LDAH: variants seen among roughly 807,000 people sequenced by gnomAD.
LDAH encodes lipid droplet associated hydrolase, also known as lipid droplet-associated hydrolase.
Under a neutral mutation model 29.6 loss-of-function variants are expected in LDAH, and 26 were observed. That is an observed-to-expected ratio of 0.88 (90% confidence interval 0.64 to 1.22). The LOEUF is 1.22. Ranked by LOEUF, LDAH falls within the 50% of genes most tolerant of loss-of-function variation. The pLI, the probability that LDAH is intolerant of heterozygous loss-of-function variation, is 0.00. For missense variants in LDAH, 344 were observed against 387.3 expected (o/e 0.89, Z 0.94); for synonymous variants, 117 against 133.0 (o/e 0.88, Z 0.83).
In LDAH at chr2:20,801,308, A is replaced by G; in HGVS notation, c.154+2T>C. 6.2e-7 allele frequency: 1 copy of G among 1,613,196 alleles called. No individual in the cohort carries two copies. The highest frequency in any genetic ancestry group is 8.5e-7 in the Non-Finnish European group (1 of 1,179,754). ...TCTCCTCACCCAGACTTTTACGCTCACCAGGAATAATGAAAATAAGCAGCT... is the reference window on the plus strand; with the variant it reads ...TCTCCTCACCCAGACTTTTACGCTCGCCAGGAATAATGAAAATAAGCAGCT... On this transcript the variant is annotated splice_donor_variant, in intron 2 of 6. Transcript: ENST00000237822. LOFTEE classifies it high-confidence loss of function.
chr2:20,784,665 G>T (rs138759376), intron 3 of LDAH, among the ~76,000 whole-genome samples: 2 of 151,810 alleles, frequency 1.3e-5, no homozygotes, highest in Admixed American at 1.3e-4. Flanking sequence ...CGGGCAGATC[G>T]CTTGAGCCCA....
At chr2:20,819,373 A>G (rs1673084102) in intron 1 of LDAH, among the ~76,000 whole-genome samples, 2 of 152,364 alleles carry the variant, frequency 1.3e-5, no homozygotes, top group Middle Eastern at 6.8e-3. Flanking sequence ...AAGTGACTTC[A>G]GAATTAAGTG....
At chr2:20,815,889 A>T (rs934399589) in intron 1 of LDAH, among the ~76,000 whole-genome samples, 1 of 152,144 alleles carries the variant, frequency 6.6e-6, no homozygotes, top group Admixed American at 6.5e-5. Flanking sequence ...TCTTCATCTT[A>T]TGAGTTTCTT....
At position 20,685,388 on chromosome 2, in the gene LDAH, GATCTGTGT is replaced by G; in HGVS notation, c.*1507_*1514del. 3.5e-6 allele frequency: 3 copies of G among 863,684 alleles called. No homozygotes were observed. The highest frequency in any genetic ancestry group is 5.1e-6 in the Non-Finnish European group (3 of 593,162). 53.5% of individuals were successfully genotyped at this position (863,684 alleles called of 1,614,324 possible). A position where few individuals can be genotyped will look rare whatever the true frequency, so the allele number is the denominator to read the frequency against. On this transcript the variant is annotated 3_prime_UTR_variant, in exon 7 of 7. Coordinates refer to ENST00000237822, the MANE Select transcript of LDAH (RefSeq NM_021925.4). ...GCCTCTCATGCAGATGCCAATAAAG[GATCTGTGT>G]ACAGCCCTGTGCTTACGGCCTATGT...
chr2:20,787,979 G>A (rs12472693), intron 3 of LDAH, among the ~76,000 whole-genome samples: 38,865 of 152,020 alleles, frequency 0.26, 5,941 homozygotes, highest in East Asian at 0.5. Flanking sequence ...AGGTGCTAAC[G>A]TTTGTTAGGC....
At chr2:20,718,380 A>G (rs1665397144) in intron 5 of LDAH, among the ~76,000 whole-genome samples, 1 of 152,158 alleles carries the variant, frequency 6.6e-6, no homozygotes, top group Non-Finnish European at 1.5e-5. Flanking sequence ...ATAGCACATA[A>G]AATAGACTTT....
At chr2:20,777,020 A>G (rs1669867551) in intron 3 of LDAH, among the ~76,000 whole-genome samples, 1 of 152,232 alleles carries the variant, frequency 6.6e-6, no homozygotes, top group Non-Finnish European at 1.5e-5. Context: ...CAAAATAGAG[A>G]TAATAATGCT....
At position 20,684,772 on chromosome 2, in the gene LDAH, TA is replaced by T. The variant is rs1254325329; in HGVS notation, c.*2130del. The T allele has an allele frequency of 3.1e-6, 4 of 1,289,046 alleles. No homozygotes were observed. Among genetic ancestry groups the T allele is most frequent in the Admixed American group, 2.5e-5 (1 of 39,726 alleles). 79.9% of individuals were successfully genotyped at this position (1,289,046 alleles called of 1,614,324 possible). On this transcript the variant is annotated 3_prime_UTR_variant, in exon 7 of 7. Transcript: ENST00000237822. ...AGCACTCGGTAACTCTGCAGGAAGT[TA>T]AAACTTTCACAAAGACCATCCATGT...
intron 5 of LDAH, among the ~76,000 whole-genome samples, chr2:20,732,085 C>CT (rs1666451261): frequency 6.6e-6 from 1 of 151,972 alleles, no homozygotes; most frequent in Non-Finnish European, 1.5e-5. Context: ...TGTTTCTAGT[C>CT]TTAGAAGAAA....
intron 1 of LDAH, among the ~76,000 whole-genome samples, chr2:20,803,367 C>T (rs532785775): frequency 2.0e-5 from 3 of 152,188 alleles, no homozygotes; most frequent in African/African-American, 7.2e-5. Flanking sequence ...ACTCCCCAGC[C>T]CCTCTCCTCA....
chr2:20,692,028 G>C (rs538047885), intron 6 of LDAH, among the ~76,000 whole-genome samples: 1 of 152,026 alleles, frequency 6.6e-6, no homozygotes, highest in Non-Finnish European at 1.5e-5. Context: ...CTTTTTGGGG[G>C]GTCTACAAAC....
chr2:20,706,443 C>T (rs1341982494), intron 5 of LDAH, among the ~76,000 whole-genome samples: 1 of 152,168 alleles, frequency 6.6e-6, no homozygotes, highest in Admixed American at 6.5e-5. Flanking sequence ...GGCATTCTGT[C>T]TACTTGAAGT....
At chr2:20,697,803 TA>T (rs1459912863) in intron 6 of LDAH, among the ~76,000 whole-genome samples, 2 of 152,230 alleles carry the variant, frequency 1.3e-5, no homozygotes, top group African/African-American at 4.8e-5. Context: ...TTACTTTTGT[TA>T]ATCTCTAACC....
At position 20,740,151 on chromosome 2, in the gene LDAH, T is replaced by C. The variant is rs763415345; in HGVS notation, c.523A>G (p.Asn175Asp). Reference sequence around the variant, plus strand: ...AAAAGTGGAGTGGCAATTCTGCCATTGGGTGACTCAGACATTCGTTCAATT... The same window carrying C: ...AAAAGTGGAGTGGCAATTCTGCCATCGGGTGACTCAGACATTCGTTCAATT... ...PTIERMSESP[N>D]GRIATPLLCW... Residue 175 changes from asparagine to aspartate, a missense_variant, in exon 5 of 7, where the codon AAT (asparagine) becomes GAT (aspartate). Asn to Asp is a conservative substitution (Grantham distance 23). Transcript: ENST00000237822. The C allele has an allele frequency of 6.2e-7, 1 of 1,614,126 alleles. No individual in the cohort carries two copies. The highest frequency in any genetic ancestry group is 1.3e-5 in the African/African-American group (1 of 75,048).
intron 5 of LDAH, among the ~76,000 whole-genome samples, chr2:20,712,653 GA>G (rs1171733170): frequency 6.6e-6 from 1 of 152,168 alleles, no homozygotes; most frequent in African/African-American, 2.4e-5. Flanking sequence ...AAGATTAGGT[GA>G]ATGGCTAACT....
intron 1 of LDAH, among the ~76,000 whole-genome samples, chr2:20,807,741 T>TA (rs1165628513): frequency 6.6e-6 from 1 of 151,952 alleles, no homozygotes; most frequent in African/African-American, 2.4e-5. Context: ...AAATCTTCAG[T>TA]AAATGTTTAC....
At position 20,743,338 on chromosome 2, in the gene LDAH, A is replaced by G. The variant is rs573406232; in HGVS notation, c.469-3133T>C. Among the ~76,000 whole-genome samples the G allele has an allele frequency of 6.6e-3, 911 of 137,410 alleles. 10 individuals are homozygous for G. The highest frequency in any genetic ancestry group is 0.027 in the African/African-American group (867 of 31,612). 90.1% of individuals were successfully genotyped at this position (137,410 alleles called of 152,430 possible). On this transcript the variant is annotated intron_variant, in intron 4 of 6. Coordinates refer to ENST00000237822, the MANE Select transcript of LDAH (RefSeq NM_021925.4). ...TTTTTTTTTTTTTTTATTATACTTTAAGTTTTAGGGTACATGTGCACATTG... is the reference window on the plus strand; with the variant it reads ...TTTTTTTTTTTTTTTATTATACTTTGAGTTTTAGGGTACATGTGCACATTG...
At chr2:20,793,244 T>C (rs1219024525) in intron 2 of LDAH, among the ~76,000 whole-genome samples, 4 of 151,628 alleles carry the variant, frequency 2.6e-5, no homozygotes, top group Non-Finnish European at 4.4e-5. Flanking sequence ...ATAAAAGGAA[T>C]AAACAGGGTC....
At chr2:20,689,984 C>T (rs1043270047) in intron 6 of LDAH, among the ~76,000 whole-genome samples, 5 of 152,196 alleles carry the variant, frequency 3.3e-5, no homozygotes, top group South Asian at 4.1e-4. Context: ...ACAAGAAAAG[C>T]GTCACTGTAC....
Sources: allele counts gnomAD v4.1 joint callset (sites outside exome capture counted in the v4.1 genomes callset), GRCh38; gene constraint gnomAD v4.1.1; transcripts MANE v1.5; gene names NCBI Gene and HGNC (gene_info 2026-07-23, HGNC 2026-07-21).